Variants in RNF125 observed in about 807,000 individuals in gnomAD.
The protein encoded by RNF125 is E3 ubiquitin-protein ligase RNF125.
Under a neutral mutation model 26.0 loss-of-function variants are expected in RNF125, and 21 were observed. That is an observed-to-expected ratio of 0.81 (90% CI 0.57 to 1.16). The LOEUF is 1.16. RNF125 is among the 50% of genes most tolerant of loss of function. The pLI is 0.00. For missense variants in RNF125, 270 were observed against 299.4 expected (o/e 0.90, Z 0.72); for synonymous variants, 95 against 109.2 (o/e 0.87, Z 0.81).
At chr18:32,058,911 A>G (rs1157154558) in intron 4 of RNF125, among the ~76,000 whole-genome samples, 8 of 152,162 alleles carry the variant, frequency 5.3e-5, no homozygotes, top group Non-Finnish European at 7.3e-5. Context: ...ATTTCACTTA[A>G]CATAATGTCC....
rs557926222 is a variant in RNF125, at chr18:32,059,502, C to T, written c.505-6400C>T. The stretch of plus-strand genomic sequence containing the variant: ...TTTTCCTGTAGAGTTGTTTGCACTC[C>T]TTATATATTCTGGTTATTAATCCCT... On this transcript the variant is annotated intron_variant, in intron 4 of 5. Coordinates refer to ENST00000217740, the MANE Select transcript of RNF125 (RefSeq NM_017831.4). 2.6e-5 allele frequency among the ~76,000 whole-genome samples: 4 copies of T among 152,192 alleles called. No individual in the cohort carries two copies. The South Asian group carries it at 8.3e-4, about 32-fold the overall frequency.
chr18:32,063,930 G>A (rs74708843), intron 4 of RNF125, among the ~76,000 whole-genome samples: 6,201 of 151,560 alleles, frequency 0.041, 447 homozygotes, highest in African/African-American at 0.14. Flanking sequence ...GGATAGCAAC[G>A]CACTGACATT....
At chr18:32,089,749 A>G in the RNF125 span, among the ~76,000 whole-genome samples, 1 of 152,190 alleles carries the variant, frequency 6.6e-6, no homozygotes, top group Non-Finnish European at 1.5e-5. Context: ...ATTAGAATAT[A>G]TGGGGGAGTG....
the RNF125 span, among the ~76,000 whole-genome samples, chr18:32,082,736 C>CT: frequency 5.9e-5 from 9 of 152,104 alleles, no homozygotes; most frequent in Non-Finnish European, 1.2e-4. Flanking sequence ...GGACAGGTGA[C>CT]TAAGTTTTTA....
chr18:32,037,089 G>A (rs765074078), intron 1 of RNF125, 27 bp from the exon 2 acceptor site: 1 of 1,565,470 alleles, frequency 6.4e-7, no homozygotes. Flanking sequence ...CAAGGAAAGT[G>A]ATGTATTTTT....
intron 1 of RNF125, among the ~76,000 whole-genome samples, chr18:32,020,632 G>A (rs1253245729): frequency 1.3e-5 from 2 of 151,490 alleles, no homozygotes; most frequent in Non-Finnish European, 2.9e-5. Context: ...TTTGACGCCC[G>A]GCGTGGTGGC....
chr18:32,080,654 T>C, the RNF125 span, among the ~76,000 whole-genome samples: 3,496 of 152,320 alleles, frequency 0.023, 125 homozygotes, highest in African/African-American at 0.08. Flanking sequence ...TAGAGATCTG[T>C]TGCGTAACAA....
At chr18:32,041,917 A>G (rs2039224000) in intron 2 of RNF125, 1 of 348,950 alleles carries the variant, frequency 2.9e-6, no homozygotes, top group Non-Finnish European at 5.4e-6. Flanking sequence ...GGCGTGAGCC[A>G]CCGCGCCCGG....
chr18:32,065,140 A>G (rs1374716791), intron 4 of RNF125, among the ~76,000 whole-genome samples: 3 of 152,234 alleles, frequency 2.0e-5, no homozygotes, highest in Non-Finnish European at 4.4e-5. Context: ...ATGCAATTTT[A>G]TAACATAATA....
chr18:32,079,449 A>T, the RNF125 span, among the ~76,000 whole-genome samples: 2 of 152,230 alleles, frequency 1.3e-5, no homozygotes, highest in Admixed American at 1.3e-4. Context: ...AATGGCTAAA[A>T]AATGGATGAG....
In RNF125 at chr18:32,069,997, C is replaced by T. The variant is rs1176729322; in HGVS notation, c.*1613C>T. 6.6e-6 allele frequency: 1 copy of T among 151,396 alleles called. No homozygotes were observed. Among genetic ancestry groups the T allele is most frequent in the Admixed American group, 6.7e-5 (1 of 15,032 alleles). 9.4% of individuals were successfully genotyped at this position (151,396 alleles called of 1,614,324 possible). ...TTGGCAAGACTGTAAATCACGGTGT[C>T]TTTCTTTCCTTCCTCCTTCTTCTCT... On this transcript the variant is annotated 3_prime_UTR_variant, in exon 6 of 6. Coordinates refer to ENST00000217740, the MANE Select transcript of RNF125 (RefSeq NM_017831.4).
intron 4 of RNF125, among the ~76,000 whole-genome samples, chr18:32,055,299 T>TA (rs201480477): frequency 5.7e-4 from 81 of 142,036 alleles, no homozygotes; most frequent in South Asian, 2.0e-3. Context: ...ACCATGTCTC[T>TA]AAAAAAAAAA....
intron 4 of RNF125, among the ~76,000 whole-genome samples, chr18:32,055,873 G>A (rs1389556212): frequency 6.6e-6 from 1 of 151,268 alleles, no homozygotes. Context: ...CAGCTTCTCG[G>A]GAGGCTGAGG....
At chr18:32,034,473 A>G (rs529625051) in intron 1 of RNF125, among the ~76,000 whole-genome samples, 1 of 152,080 alleles carries the variant, frequency 6.6e-6, no homozygotes, top group South Asian at 2.1e-4. Flanking sequence ...GAAGCAACTT[A>G]CCCTGTATGT....
At chr18:32,081,462 G>T in the RNF125 span, among the ~76,000 whole-genome samples, 1 of 152,050 alleles carries the variant, frequency 6.6e-6, no homozygotes, top group East Asian at 1.9e-4. Flanking sequence ...TCACCCACTG[G>T]TCTCTCTCCA....
chr18:32,062,703 A>G (rs987708765), intron 4 of RNF125, among the ~76,000 whole-genome samples: 3 of 152,190 alleles, frequency 2.0e-5, no homozygotes, highest in African/African-American at 7.2e-5. Flanking sequence ...AGAATGTGAA[A>G]AGAACATTGG....
chr18:32,062,895 C>T (rs949007829), intron 4 of RNF125, among the ~76,000 whole-genome samples: 1 of 152,052 alleles, frequency 6.6e-6, no homozygotes, highest in African/African-American at 2.4e-5. Context: ...ACTTGGCACT[C>T]AGTAATAAGT....
Position 32,019,041 on chromosome 18 carries a change from G to T in RNF125, c.164+14G>T. Reference sequence around the variant, plus strand: ...CTGTGGCCACGTGTAAGTTCCAGGGGAGCTCGGTTTGCGCCCACCCCTAAG... The same window carrying T: ...CTGTGGCCACGTGTAAGTTCCAGGGTAGCTCGGTTTGCGCCCACCCCTAAG... On this transcript the variant is annotated intron_variant, in intron 1 of 5. Transcript: ENST00000217740. 6.2e-7 allele frequency: 1 copy of T among 1,611,074 alleles called. No homozygotes were observed. Among genetic ancestry groups the T allele is most frequent in the Non-Finnish European group, 8.5e-7 (1 of 1,178,750 alleles).
At chr18:32,028,297 TAAA>T (rs1156859954) in intron 1 of RNF125, among the ~76,000 whole-genome samples, 8,765 of 71,682 alleles carry the variant, frequency 0.12, 545 homozygotes, top group African/African-American at 0.24. Flanking sequence ...GACTCCGTCT[TAAA>T]AAAAAAAAAA....
Sources: gnomAD v4.1 joint callset for allele counts (sites outside exome capture counted in the v4.1 genomes callset) on GRCh38, gnomAD v4.1.1 for gene constraint, MANE v1.5 for transcripts, NCBI Gene and HGNC (gene_info 2026-07-23, HGNC 2026-07-21) for gene names.